Variants in MDH2 observed in about 807,000 individuals in gnomAD.
The protein encoded by MDH2 is malate dehydrogenase, mitochondrial.
In MDH2, 25 loss-of-function variants were observed where a neutral mutation model predicts 33.6. The ratio of observed to expected loss-of-function variants is 0.74; its 90% CI spans 0.54 to 1.04. MDH2 has a LOEUF of 1.04. MDH2 is among the 50% of genes least tolerant of loss of function. The pLI, the probability that MDH2 is intolerant of heterozygous loss-of-function variation, is 0.00. For missense variants in MDH2, 432 were observed against 445.0 expected, an observed-to-expected ratio of 0.97 and a Z score of 0.26; for synonymous variants, 193 against 188.7, an observed-to-expected ratio of 1.02 and a Z score of -0.19.
chr7:76,063,578 C>T lies in MDH2; in HGVS notation c.619C>T (p.Pro207Ser). 6.2e-7 allele frequency: 1 copy of T among 1,614,210 alleles called. No individual in the cohort carries two copies. The highest frequency in any genetic ancestry group is 8.5e-7 in the Non-Finnish European group (1 of 1,180,020). Residue 207 changes from proline to serine, a missense_variant, in exon 6 of 9, where the codon CCC becomes TCC. Coordinates refer to ENST00000315758, the MANE Select transcript of MDH2 (RefSeq NM_005918.4). ...TGGCCATGCTGGGAAGACCATCATC[C>T]CCCTGATCTCTCAGGTACACGCATA... ...IGGHAGKTII[P>S]LISQCTPKVD...
At position 76,055,059 on chromosome 7, in the gene MDH2, T is replaced by C. The variant is rs115021429; in HGVS notation, c.235+61T>C. The C allele has an allele frequency of 1.4e-3, 2,194 of 1,527,788 alleles. 31 individuals are homozygous for C. The African/African-American group carries it at 0.027, about 19-fold the overall frequency. 94.6% of individuals were successfully genotyped at this position (1,527,788 alleles called of 1,614,324 possible). On this transcript the variant is annotated intron_variant, in intron 2 of 8. Transcript: ENST00000315758. Reference sequence around the variant, plus strand: ...GTCCCCAGTAGGCCAGGATTCGAGTTTTGAGTAAGATTCTTAGATGAAACT... The same window carrying C: ...GTCCCCAGTAGGCCAGGATTCGAGTCTTGAGTAAGATTCTTAGATGAAACT...
At chr7:76,049,699 GA>G (rs1363018447) in intron 1 of MDH2, among the ~76,000 whole-genome samples, 2 of 152,118 alleles carry the variant, frequency 1.3e-5, no homozygotes, top group Non-Finnish European at 2.9e-5. Flanking sequence ...ACAAAACACA[GA>G]AGTCCCTGCT....
chr7:76,052,855 T>C (rs1303787283), intron 1 of MDH2, among the ~76,000 whole-genome samples: 1 of 152,048 alleles, frequency 6.6e-6, no homozygotes, highest in Non-Finnish European at 1.5e-5. Context: ...AAGATATTTT[T>C]TTAAAGAGAT....
intron 1 of MDH2, 110 bp downstream of exon 1, chr7:76,048,336 G>A (rs1554584573): frequency 7.1e-7 from 1 of 1,399,272 alleles, no homozygotes; most frequent in Non-Finnish European, 9.4e-7. Context: ...GGACCGCAGG[G>A]ATGCCCGGCA....
Position 76,063,734 on chromosome 7 carries a change from C to T in MDH2, c.633+142C>T, listed in dbSNP as rs1036790071. 36 of 775,492 alleles carry T rather than the reference C, an allele frequency of 4.6e-5. No homozygotes were observed. In the African/African-American group the frequency reaches 5.3e-4, roughly 12 times the overall value. The allele number at this position is 775,492 out of a possible 1,614,324, so 48.0% of individuals were successfully genotyped here. A position where few individuals can be genotyped will look rare whatever the true frequency, so the allele number is the denominator to read the frequency against. On this transcript the variant is annotated intron_variant, in intron 6 of 8. Transcript: ENST00000315758. ...GGCTCCTGTTGTAGGCAGCCCCGCC[C>T]CTCTGCTGCAGGGCGGTGTCAGTCC...
At chr7:76,064,291 G>T in intron 6 of MDH2, 48 bp from the exon 7 acceptor site, 2 of 1,476,520 alleles carry the variant, frequency 1.4e-6, no homozygotes, top group Non-Finnish European at 1.9e-6. Context: ...AGTGGGTCTG[G>T]GGTCATGGGC....
In MDH2 at chr7:76,058,096, C is replaced by T. The variant is rs367952138; in HGVS notation, c.429+18C>T. ...CCAATCCGGTGAGTGTGGCAGCACC[C>T]GGCTCTTGCAGCTATGGCAGGTGTT... is the stretch of plus-strand genomic sequence containing the variant. On this transcript the variant is annotated intron_variant, in intron 4 of 8. Transcript: ENST00000315758. The T allele has an allele frequency of 2.1e-5, 33 of 1,603,168 alleles. No individual in the cohort carries two copies. The highest frequency in any genetic ancestry group is 5.5e-5 in the South Asian group (5 of 90,798).
intron 1 of MDH2, among the ~76,000 whole-genome samples, chr7:76,053,568 C>G (rs959082168): frequency 6.6e-6 from 1 of 152,168 alleles, no homozygotes; most frequent in Non-Finnish European, 1.5e-5. Flanking sequence ...GGGTAAGCGT[C>G]TTGATTCGGA....
intron 1 of MDH2, 42 bp from the exon 2 acceptor site, chr7:76,054,788 C>T: frequency 6.2e-7 from 1 of 1,611,548 alleles, no homozygotes; most frequent in South Asian, 1.1e-5. Flanking sequence ...CCTTTTCATG[C>T]TCATTTCCTC....
At position 76,060,380 on chromosome 7, in the gene MDH2, C is replaced by G; in HGVS notation, c.437C>G (p.Ser146Cys). ...MICVIANPVNSTIPITAEVFK... is the reference protein window; with the variant it reads ...MICVIANPVNCTIPITAEVFK... ...GTCTGTTGGATGTCCTAGGTTAATT[C>G]CACCATCCCCATCACAGCAGAAGTT... Residue 146 changes from serine to cysteine, a missense_variant, in exon 5 of 9, where the codon TCC (serine) becomes TGC (cysteine). Physicochemically the swap from Ser to Cys is moderately radical, Grantham distance 112 (BLOSUM62 -1). Coordinates refer to ENST00000315758, the MANE Select transcript of MDH2 (RefSeq NM_005918.4). The G allele has an allele frequency of 6.2e-7, 1 of 1,614,088 alleles. No homozygotes were observed. Among genetic ancestry groups the G allele is most frequent in the Non-Finnish European group, 8.5e-7 (1 of 1,179,998 alleles).
intron 2 of MDH2, among the ~76,000 whole-genome samples, chr7:76,057,102 C>A (rs1469370206): frequency 2.0e-5 from 3 of 151,952 alleles, no homozygotes; most frequent in Non-Finnish European, 4.4e-5. Flanking sequence ...GTGTGACTTA[C>A]AATGCTCACG....
chr7:76,048,592 C>T (rs1162136031), intron 1 of MDH2: 1 of 1,301,592 alleles, frequency 7.7e-7, no homozygotes, highest in Non-Finnish European at 9.7e-7. Context: ...ATTGCTTTGA[C>T]GTAGCTAATC....
In MDH2 at chr7:76,057,957, GATCATTT is replaced by G; in HGVS notation, c.320-11_320-5del. The G allele has an allele frequency of 6.2e-7, 1 of 1,612,774 alleles. No homozygotes were observed. Among genetic ancestry groups the G allele is most frequent in the Middle Eastern group, 1.6e-4 (1 of 6,062 alleles). On this transcript the variant is annotated splice_region_variant and splice_polypyrimidine_tract_variant and intron_variant, in intron 3 of 8. Coordinates refer to ENST00000315758, the MANE Select transcript of MDH2 (RefSeq NM_005918.4). ...TGTTCTCTGTTAACATCTCATATTG[GATCATTT>G]CCAGGCATGACCCGGGACGACCTGT...
At chr7:76,054,023 T>C (rs1291917805) in intron 1 of MDH2, among the ~76,000 whole-genome samples, 1 of 152,222 alleles carries the variant, frequency 6.6e-6, no homozygotes, top group Non-Finnish European at 1.5e-5. Context: ...ATTCTCAAAC[T>C]GTTTGGTATC....
chr7:76,048,816 T>G, intron 1 of MDH2: 2 of 1,217,868 alleles, frequency 1.6e-6, no homozygotes, highest in Non-Finnish European at 2.0e-6. Context: ...TGCCGCCAGG[T>G]GTCTTAACAG....
chr7:76,066,160 A>C, intron 8 of MDH2, 119 bp from the exon 9 acceptor site: 1 of 1,296,056 alleles, frequency 7.7e-7, no homozygotes, highest in Non-Finnish European at 1.1e-6. Context: ...CCAGCAAGGC[A>C]CCCAGAACCC....
chr7:76,052,044 CAAAGA>C (rs1222819946), intron 1 of MDH2, among the ~76,000 whole-genome samples: 4 of 152,186 alleles, frequency 2.6e-5, no homozygotes, highest in Admixed American at 1.3e-4. Context: ...AAAGTGAAAG[CAAAGA>C]AACCAGTGAG....
chr7:76,048,427 G>A, intron 1 of MDH2: 2 of 1,113,514 alleles, frequency 1.8e-6, no homozygotes, highest in Non-Finnish European at 2.4e-6. Context: ...AAAAGGGGGC[G>A]AGGTAGTCCC....
intron 1 of MDH2, among the ~76,000 whole-genome samples, chr7:76,051,835 AGCCACTCT>A (rs1335549488): frequency 1.3e-5 from 2 of 152,192 alleles, no homozygotes; most frequent in Non-Finnish European, 2.9e-5. Flanking sequence ...TGCTGTTGAT[AGCCACTCT>A]GCCACCCAGC....
Sources: allele counts gnomAD v4.1 joint callset (sites outside exome capture counted in the v4.1 genomes callset), GRCh38; gene constraint gnomAD v4.1.1; transcripts MANE v1.5; gene names NCBI Gene and HGNC (gene_info 2026-07-23, HGNC 2026-07-21).